Variants in TPP2 observed in about 807,000 individuals in gnomAD.
TPP2 encodes the protein tripeptidyl peptidase 2.
Under a neutral mutation model 155.9 loss-of-function variants are expected in TPP2, and 34 were observed. The observed-to-expected ratio is 0.22, with a 90% CI of 0.17 to 0.29. TPP2 has a LOEUF of 0.29. Ranked by LOEUF, TPP2 falls within the 10% of genes least tolerant of loss-of-function variation. The probability of loss-of-function intolerance (pLI) is 1.00; values close to 1 mark genes in which losing one functional copy is unlikely to be tolerated. For missense variants in TPP2, 1,028 were observed against 1,522.3 expected (o/e 0.68, Z 5.40); for synonymous variants, 510 against 529.4 (o/e 0.96, Z 0.50).
At position 102,655,802 on chromosome 13, in the gene TPP2, C is replaced by T. The variant is rs555572495; in HGVS notation, c.2992-1254C>T. 5.9e-5 allele frequency among the ~76,000 whole-genome samples: 9 copies of T among 152,064 alleles called. No individual in the cohort carries two copies. In the East Asian group the frequency reaches 1.4e-3, roughly 23 times the overall value. On this transcript the variant is annotated intron_variant, in intron 24 of 29. Transcript: ENST00000376052. ...GGTTTTCAGTTCCTTCCTTCTTCGT[C>T]GTACACTGCCTCTCAGCTAAATGGG...
intron 17 of TPP2, among the ~76,000 whole-genome samples, 174 bp from the exon 18 acceptor site, chr13:102,644,383 C>T (rs1308485526): frequency 6.6e-6 from 1 of 152,168 alleles, no homozygotes; most frequent in Non-Finnish European, 1.5e-5. Flanking sequence ...TACACCATAT[C>T]TCTGCAAATG....
intron 9 of TPP2, 133 bp downstream of exon 9, chr13:102,629,742 A>C (rs887907096): frequency 8.0e-7 from 1 of 1,257,540 alleles, no homozygotes; most frequent in Non-Finnish European, 1.0e-6. Context: ...GGAAACTTAT[A>C]GTCTGGTAGG....
At position 102,674,263 on chromosome 13, in the gene TPP2, T is replaced by G. The variant is rs1171958340; in HGVS notation, c.3372-20T>G. Reference sequence around the variant, plus strand: ...AGACATTTTACTGATATCTGAAATATTTTTTAATTTGCTGTACAGTGACAT... The same window carrying G: ...AGACATTTTACTGATATCTGAAATAGTTTTTAATTTGCTGTACAGTGACAT... On this transcript the variant is annotated intron_variant, in intron 27 of 29. Coordinates refer to ENST00000376052, the MANE Select transcript of TPP2 (RefSeq NM_001330588.2). 6.3e-7 allele frequency: 1 copy of G among 1,594,406 alleles called. No individual in the cohort carries two copies. Among genetic ancestry groups the G allele is most frequent in the Admixed American group, 1.8e-5 (1 of 56,118 alleles).
chr13:102,628,927 C>G (rs190297167), intron 8 of TPP2, among the ~76,000 whole-genome samples: 1 of 152,284 alleles, frequency 6.6e-6, no homozygotes, highest in African/African-American at 2.4e-5. Context: ...GTGCATGGCT[C>G]TGTACCTTTT....
chr13:102,612,299 CT>C (rs1181243315), intron 2 of TPP2, among the ~76,000 whole-genome samples: 1 of 152,100 alleles, frequency 6.6e-6, no homozygotes, highest in Non-Finnish European at 1.5e-5. Context: ...GCATGGTACC[CT>C]AACACTCAGA....
intron 2 of TPP2, among the ~76,000 whole-genome samples, chr13:102,609,392 C>CTTTTTTTTTTTTTTTTTTTTTTTTT (rs34845674): frequency 2.5e-5 from 2 of 79,840 alleles, no homozygotes; most frequent in African/African-American, 1.1e-4. Flanking sequence ...AAGTGCCATG[C>CTTTTTTTTTTTTTTTTTTTTTTTTT]TTTTTTTTTT....
intron 21 of TPP2, 137 bp downstream of exon 21, chr13:102,647,481 C>T: frequency 9.7e-7 from 1 of 1,027,200 alleles, no homozygotes; most frequent in Non-Finnish European, 1.4e-6. Flanking sequence ...CTTTTGCAAA[C>T]TGTGAGAGCC....
Position 102,637,231 on chromosome 13 carries a change from T to C in TPP2, c.1828T>C (p.Tyr610His), listed in dbSNP as rs1439278434. 3 of 1,595,322 alleles carry C rather than the reference T, an allele frequency of 1.9e-6. No individual in the cohort carries two copies. Among genetic ancestry groups the C allele is most frequent in the East Asian group, 4.5e-5 (2 of 44,716 alleles). ...DPRGLREGLH[Y>H]TEVCGYDIAS... is the part of the protein sequence containing the mutation. ...CAGGGGCTTAAGAGAAGGATTGCATTATACAGAGGTATTGATGTATCTTCA... is the reference window on the plus strand; with the variant it reads ...CAGGGGCTTAAGAGAAGGATTGCATCATACAGAGGTATTGATGTATCTTCA... The change falls in exon 14 of 30, where the codon TAT (tyrosine) becomes CAT (histidine). Residue 610 changes from tyrosine to histidine, a missense_variant. Physicochemically the swap from Tyr to His is moderately conservative, Grantham distance 83. This residue lies in a region of TPP2 where 325 missense variants were observed against 463.7 expected (regional missense o/e 0.70). Transcript: ENST00000376052.
chr13:102,651,528 A>G, intron 24 of TPP2, 131 bp downstream of exon 24: 1 of 925,468 alleles, frequency 1.1e-6, no homozygotes, highest in Non-Finnish European at 1.6e-6. Context: ...TCTAAAGTAT[A>G]GTGCTCTTAG....
chr13:102,675,918 T>C (rs1431016400), intron 28 of TPP2, among the ~76,000 whole-genome samples: 2 of 152,204 alleles, frequency 1.3e-5, no homozygotes, highest in African/African-American at 4.8e-5. Context: ...CATGTTTATA[T>C]AATCTAATAC....
At chr13:102,607,581 C>A (rs576790061) in intron 2 of TPP2, 153 of 391,866 alleles carry the variant, frequency 3.9e-4, no homozygotes, top group Non-Finnish European at 6.7e-4. Flanking sequence ...ATTACTCGAG[C>A]ATTTATTTAT....
chr13:102,622,922 C>A lies in TPP2; in HGVS notation c.666C>A (p.Thr222=). Residue 222 remains threonine (T), a synonymous_variant, in exon 6 of 30, where the codon ACC becomes ACA. Coordinates refer to ENST00000376052, the MANE Select transcript of TPP2 (RefSeq NM_001330588.2). The stretch of plus-strand genomic sequence containing the variant: ...AAGATGGGGACTTGAGTAAATCTAC[C>A]GTGTTGAGAAACTACAAAGAAGCCC... ...SNEDGDLSKS[T]VLRNYKEAQE... 1 of 1,613,940 alleles carries A rather than the reference C, an allele frequency of 6.2e-7. No homozygotes were observed. The highest frequency in any genetic ancestry group is 8.5e-7 in the Non-Finnish European group (1 of 1,179,954).
chr13:102,633,615 G>A (rs180766795), intron 10 of TPP2, among the ~76,000 whole-genome samples: 46 of 152,242 alleles, frequency 3.0e-4, no homozygotes, highest in Non-Finnish European at 2.2e-4. Flanking sequence ...AGATAAGAGA[G>A]ATGTACACTC....
chr13:102,631,456 CA>C (rs1304935546), intron 10 of TPP2: 2 of 152,004 alleles, frequency 1.3e-5, no homozygotes, highest in African/African-American at 4.8e-5. Context: ...GGAGAAGAGC[CA>C]AAAGTCAGCA....
At position 102,629,737 on chromosome 13, in the gene TPP2, C is replaced by A. The variant is rs1881889507; in HGVS notation, c.1144+128C>A. The stretch of plus-strand genomic sequence containing the variant: ...ACACCTTAAGTGTGTCCTCAGGAAA[C>A]TTATAGTCTGGTAGGGGAACCAGCA... On this transcript the variant is annotated intron_variant, in intron 9 of 29. Coordinates refer to ENST00000376052, the MANE Select transcript of TPP2 (RefSeq NM_001330588.2). The A allele has an allele frequency of 3.9e-6, 5 of 1,284,744 alleles. No individual in the cohort carries two copies. The South Asian group carries it at 9.6e-5, about 25-fold the overall frequency. 79.6% of individuals were successfully genotyped at this position (1,284,744 alleles called of 1,614,324 possible). A position where few individuals can be genotyped will look rare whatever the true frequency, so the allele number is the denominator to read the frequency against.
In TPP2 at chr13:102,674,307, C is replaced by A; in HGVS notation, c.3396C>A (p.Thr1132=). 6.2e-7 allele frequency: 1 copy of A among 1,613,530 alleles called. No individual in the cohort carries two copies. The highest frequency in any genetic ancestry group is 8.5e-7 in the Non-Finnish European group (1 of 1,179,646). ...GTGACATGGACAAACAAAAATCCAC[C>A]CTCGTAGATGCCCTTTGTAGGAAAG... The part of the protein sequence containing the change: ...IKNDMDKQKS[T]LVDALCRKGC... Residue 1132 remains threonine, a synonymous_variant, in exon 28 of 30, where the codon ACC becomes ACA. Transcript: ENST00000376052.
intron 6 of TPP2, among the ~76,000 whole-genome samples, chr13:102,623,772 A>ATACAGT (rs1358726624): frequency 1.3e-5 from 2 of 152,222 alleles, no homozygotes; most frequent in Non-Finnish European, 2.9e-5. Context: ...TTACTGTGAA[A>ATACAGT]TACAGTCATC....
intron 2 of TPP2, among the ~76,000 whole-genome samples, chr13:102,610,655 T>C (rs1024087269): frequency 3.3e-5 from 5 of 152,256 alleles, no homozygotes; most frequent in Admixed American, 2.0e-4. Context: ...TTGAACACTT[T>C]AGTAGCCTCA....
chr13:102,626,584 T>C (rs530089788), intron 6 of TPP2, among the ~76,000 whole-genome samples: 2 of 152,244 alleles, frequency 1.3e-5, no homozygotes, highest in East Asian at 1.9e-4. Context: ...GTGTATGATA[T>C]GTACTTCCAT....
Sources: gnomAD v4.1 joint callset for allele counts (sites outside exome capture counted in the v4.1 genomes callset) on GRCh38, gnomAD v4.1.1 for gene constraint, gnomAD v4.1.1 regional missense constraint, MANE v1.5 for transcripts, NCBI Gene and HGNC (gene_info 2026-07-23, HGNC 2026-07-21) for gene names.